The following SP7 variants were observed in gnomAD, a reference collection of about 807,000 sequenced individuals.
SP7 encodes Sp7 transcription factor, also known as transcription factor Sp7.
Under a neutral mutation model 27.9 loss-of-function variants are expected in SP7, and 13 were observed. The ratio of observed to expected loss-of-function variants is 0.47; its 90% CI spans 0.30 to 0.74. The LOEUF (loss-of-function observed/expected upper bound fraction) is 0.74, where lower values mean the gene tolerates loss of function less well. Among genes scored for constraint, SP7 ranks in the 30% least tolerant of loss-of-function variants. The pLI is 0.06. For synonymous variants in SP7, 219 were observed against 226.7 expected (o/e 0.97, Z 0.31); for missense variants, 525 against 558.0 (o/e 0.94, Z 0.60).
chr12:53,334,451 C>T (rs1253628064), intron 2 of SP7, among the ~76,000 whole-genome samples: 2 of 152,170 alleles, frequency 1.3e-5, no homozygotes, highest in Non-Finnish European at 2.9e-5. Flanking sequence ...TTAAAAGACT[C>T]CTGCCCCATC....
At chr12:53,340,626 G>T (rs1190747227), upstream of SP7, among the ~76,000 whole-genome samples, 1 of 152,166 alleles carries the variant, frequency 6.6e-6, no homozygotes, top group Non-Finnish European at 1.5e-5. Flanking sequence ...ACAGGGGCCT[G>T]GAAGAGAAGC....
chr12:53,339,730 A>C (rs1460383318), upstream of SP7, among the ~76,000 whole-genome samples: 9 of 148,000 alleles, frequency 6.1e-5, no homozygotes, highest in Non-Finnish European at 4.5e-5. Context: ...CATCTCAAAA[A>C]AAAAAAAAAA....
Position 53,335,663 on chromosome 12 carries a change from G to C in SP7, c.-17C>G, listed in dbSNP as rs1371342281. On this transcript the variant is annotated 5_prime_UTR_variant, in exon 2 of 3. Transcript: ENST00000536324. ...GGACGCCATCCTGAGGCTGGGGAAC[G>C]GGTCCCAAGGAGCCAGGCAGATGGA... 6 of 1,545,482 alleles carry C rather than the reference G, an allele frequency of 3.9e-6. No homozygotes were observed. Among genetic ancestry groups the C allele is most frequent in the East Asian group, 4.9e-5 (2 of 41,036 alleles).
chr12:53,335,790 GTGGGGGGC>G, intron 1 of SP7, 97 bp from the exon 2 acceptor site: 7 of 1,304,290 alleles, frequency 5.4e-6, no homozygotes, highest in Non-Finnish European at 6.9e-6. Flanking sequence ...AGGGACCGGG[GTGGGGGGC>G]TGCTCTCTGT....
At position 53,328,642 on chromosome 12, in the gene SP7, C is replaced by T. The variant is rs751935040; in HGVS notation, c.800G>A (p.Arg267His). Residue 267 changes from arginine (R) to histidine (H), a missense_variant, in exon 3 of 3, where the codon CGC becomes CAC. Arg to His is a conservative substitution (Grantham distance 29). Coordinates refer to ENST00000536324, the MANE Select transcript of SP7 (RefSeq NM_001173467.3). The surrounding 1 kb of genome is among the most constrained non-coding windows in gnomAD (Gnocchi z 5.1). ...SGGYGGSGAG[R>H]SSCDCPNCQE... ...GCAATTAGGGCAGTCGCAGGAGGAG[C>T]GCCCTGCCCCACTGCCCCCATATCC... 19 of 1,609,598 alleles carry T rather than the reference C, an allele frequency of 1.2e-5. No individual in the cohort carries two copies. Among genetic ancestry groups the T allele is most frequent in the Non-Finnish European group, 1.6e-5 (19 of 1,176,766 alleles).
At position 53,328,568 on chromosome 12, in the gene SP7, G is replaced by A. The variant is rs1333533462; in HGVS notation, c.874C>T (p.Pro292Ser). ...GAAAAGLRKK[P>S]IHSCHIPGCG... ...CCAGGGATGTGGCAGCTGTGGATGG[G>A]CTTCTTCCGCAGCCCAGCCGCTGCT... The change falls in exon 3 of 3, where the codon CCC becomes TCC. Residue 292 changes from proline to serine, a missense_variant. Transcript: ENST00000536324. The surrounding 1 kb of genome is among the most constrained non-coding windows in gnomAD (Gnocchi z 5.1). The A allele has an allele frequency of 1.2e-6, 2 of 1,610,498 alleles. No individual in the cohort carries two copies. The highest frequency in any genetic ancestry group is 1.3e-5 in the African/African-American group (1 of 74,998).
intron 2 of SP7, among the ~76,000 whole-genome samples, chr12:53,335,061 GCCT>G (rs1412525755): frequency 2.0e-5 from 3 of 152,060 alleles, no homozygotes; most frequent in African/African-American, 2.4e-5. Context: ...GCACAGGCTG[GCCT>G]CCTCCTTTCT....
rs1167249182 is a variant in SP7, at chr12:53,342,074, AAC to A, written c.-34+3038_-34+3039del. Among the ~76,000 whole-genome samples, 55 of 98,892 alleles carry A rather than the reference AAC, an allele frequency of 5.6e-4. 1 individual carries two copies. The East Asian group carries it at 0.016, about 28-fold the overall frequency. 64.9% of individuals were successfully genotyped at this position (98,892 alleles called of 152,430 possible). On this transcript the variant is annotated intron_variant, in intron 1 of 1. Transcript: ENST00000547755. ...CTCCGTCTCAAAAAAAAAAACAAAA[AAC>A]AAACAAACAAACCCTGTCTCTACTA...
chr12:53,340,438 C>T (rs1944813243), upstream of SP7, among the ~76,000 whole-genome samples: 1 of 152,166 alleles, frequency 6.6e-6, no homozygotes, highest in South Asian at 2.1e-4. Context: ...TAAGAAGTTC[C>T]AGTGTACCTT....
intron 1 of SP7, among the ~76,000 whole-genome samples, chr12:53,343,034 G>A (rs905055537): frequency 6.6e-6 from 1 of 151,610 alleles, no homozygotes; most frequent in Non-Finnish European, 1.5e-5. Flanking sequence ...AGTGGCTCAT[G>A]CCTGTAATCC....
chr12:53,339,057 C>A (rs1480186046), upstream of SP7, among the ~76,000 whole-genome samples: 1 of 152,126 alleles, frequency 6.6e-6, no homozygotes, highest in Non-Finnish European at 1.5e-5. Context: ...TGGGGCAGAC[C>A]AGGGAGAGGC....
At chr12:53,335,604 G>C (rs189358282) in intron 2 of SP7, 22 bp downstream of exon 2, 4 of 1,338,544 alleles carry the variant, frequency 3.0e-6, no homozygotes, top group Non-Finnish European at 3.2e-6. Flanking sequence ...CTGGTTTCCT[G>C]GGGGGAAGAG....
In SP7 at chr12:53,330,384, C is replaced by G. The variant is rs1483756918; in HGVS notation, c.22-964G>C. 2.0e-5 allele frequency among the ~76,000 whole-genome samples: 3 copies of G among 152,198 alleles called. No individual in the cohort carries two copies. The East Asian group carries it at 5.8e-4, about 29-fold the overall frequency. Reference sequence around the variant, plus strand: ...ATATTTTTAGAGACAGGGTCTCACTCTGTCTCCCAAGCTGGATGGAGTGCA... The same window carrying G: ...ATATTTTTAGAGACAGGGTCTCACTGTGTCTCCCAAGCTGGATGGAGTGCA... On this transcript the variant is annotated intron_variant, in intron 2 of 2. Transcript: ENST00000536324.
upstream of SP7, among the ~76,000 whole-genome samples, chr12:53,340,768 C>G (rs915559348): frequency 2.8e-4 from 42 of 152,130 alleles, no homozygotes; most frequent in Non-Finnish European, 5.4e-4. Context: ...AGAAGGCACG[C>G]AGAGACAGGG....
At chr12:53,343,319 G>T (rs1343191494) in intron 1 of SP7, among the ~76,000 whole-genome samples, 1 of 152,138 alleles carries the variant, frequency 6.6e-6, no homozygotes, top group Admixed American at 6.6e-5. Flanking sequence ...GAGGCTGATG[G>T]AGAAGTTCTA....
upstream of SP7, among the ~76,000 whole-genome samples, chr12:53,338,923 TC>T (rs1392267012): frequency 2.6e-5 from 4 of 152,154 alleles, no homozygotes; most frequent in African/African-American, 9.7e-5. Flanking sequence ...GCTCTGGTGT[TC>T]CTGGGTCCAG....
Position 53,329,397 on chromosome 12 carries a change from A to T in SP7, c.45T>A (p.Ser15Arg), listed in dbSNP as rs1190997673. 6.2e-7 allele frequency: 1 copy of T among 1,613,796 alleles called. No individual in the cohort carries two copies. The highest frequency in any genetic ancestry group is 1.3e-5 in the African/African-American group (1 of 74,908). Reference sequence around the variant, plus strand: ...ACGCTGCCGTCAGCATGGCCAGGGGACTGGAGCCATAGTGAACTTCCTCCT... The same window carrying T: ...ACGCTGCCGTCAGCATGGCCAGGGGTCTGGAGCCATAGTGAACTTCCTCCT... ...LLEEEVHYGS[S>R]PLAMLTAACS... Residue 15 changes from serine (S) to arginine (R), a missense_variant, in exon 3 of 3, where the codon AGT (serine) becomes AGA (arginine). Ser to Arg is a moderately radical substitution (Grantham distance 110, BLOSUM62 -1). Coordinates refer to ENST00000536324, the MANE Select transcript of SP7 (RefSeq NM_001173467.3).
intron 2 of SP7, among the ~76,000 whole-genome samples, chr12:53,330,669 A>C (rs1944693985): frequency 1.3e-5 from 2 of 152,220 alleles, no homozygotes; most frequent in Admixed American, 1.3e-4. Context: ...AGTGCAGTGT[A>C]GGGAGAAGGT....
intron 2 of SP7, among the ~76,000 whole-genome samples, chr12:53,331,650 A>T (rs938050316): frequency 6.6e-6 from 1 of 152,108 alleles, no homozygotes; most frequent in African/African-American, 2.4e-5. Flanking sequence ...GCTGGCATAG[A>T]CGGTCATTCA....
Sources: gnomAD v4.1 joint callset for allele counts (sites outside exome capture counted in the v4.1 genomes callset) on GRCh38, gnomAD v4.1.1 for gene constraint, Gnocchi (gnomAD v3.1) non-coding constraint, MANE v1.5 for transcripts, NCBI Gene and HGNC (gene_info 2026-07-23, HGNC 2026-07-21) for gene names.